The following CADPS2 variants were observed in gnomAD, a reference collection of about 807,000 sequenced individuals.
CADPS2 encodes the protein calcium dependent secretion activator 2.
In CADPS2, 93 loss-of-function variants were observed where a neutral mutation model predicts 172.5. The observed-to-expected ratio is 0.54, with a 90% confidence interval of 0.46 to 0.64. The LOEUF is 0.64. Ranked by LOEUF, CADPS2 falls within the 30% of genes least tolerant of loss-of-function variation. The probability of loss-of-function intolerance (pLI) is 0.00; values close to 1 mark genes in which losing one functional copy is unlikely to be tolerated. For missense variants in CADPS2, 1,420 were observed against 1,565.9 expected, an observed-to-expected ratio of 0.91 and a Z score of 1.57; for synonymous variants, 546 against 555.2, an observed-to-expected ratio of 0.98 and a Z score of 0.23.
At chr7:122,685,933 A>G (rs1488498408) in intron 2 of CADPS2, among the ~76,000 whole-genome samples, 3 of 152,156 alleles carry the variant, frequency 2.0e-5, no homozygotes, top group Non-Finnish European at 4.4e-5. Flanking sequence ...CCAATGCCTT[A>G]CCCTGAACTT....
intron 1 of CADPS2, among the ~76,000 whole-genome samples, chr7:122,793,156 G>A (rs1795641693): frequency 6.6e-6 from 1 of 151,828 alleles, no homozygotes; most frequent in Non-Finnish European, 1.5e-5. Context: ...AAACTCCTTG[G>A]TGCATCCCTC....
intron 3 of CADPS2, among the ~76,000 whole-genome samples, chr7:122,661,848 A>G (rs2080575590): frequency 6.6e-6 from 1 of 152,230 alleles, no homozygotes; most frequent in Non-Finnish European, 1.5e-5. Context: ...ATGTTAATCA[A>G]CATTTATTTG....
chr7:122,662,816 TTTAA>T (rs1199719530), intron 3 of CADPS2, among the ~76,000 whole-genome samples: 1 of 152,204 alleles, frequency 6.6e-6, no homozygotes, highest in Non-Finnish European at 1.5e-5. Flanking sequence ...AAATTTGAAA[TTTAA>T]TTACTTCCAT....
intron 2 of CADPS2, chr7:122,699,256 T>C (rs2085648095): frequency 5.0e-6 from 1 of 198,690 alleles, no homozygotes; most frequent in Non-Finnish European, 1.0e-5. Flanking sequence ...CTGTTATGGG[T>C]GATTTCTATG....
chr7:122,352,585 G>A (rs907500677), intron 27 of CADPS2, among the ~76,000 whole-genome samples: 5 of 152,200 alleles, frequency 3.3e-5, no homozygotes, highest in East Asian at 3.8e-4. Context: ...ACTCCTAGAC[G>A]AGTGAGGCTC....
chr7:122,538,979 A>T (rs185211900), intron 8 of CADPS2, among the ~76,000 whole-genome samples: 8 of 152,230 alleles, frequency 5.3e-5, no homozygotes, highest in Admixed American at 4.6e-4. Context: ...GGTCTTAAAT[A>T]CTGGATGTTT....
intron 2 of CADPS2, among the ~76,000 whole-genome samples, chr7:122,705,658 C>A (rs1470209125): frequency 5.5e-4 from 44 of 80,212 alleles, no homozygotes; most frequent in African/African-American, 7.3e-4. Context: ...TATAATATAT[C>A]TCATATATAA....
chr7:122,447,107 A>G (rs2052353600), intron 15 of CADPS2, among the ~76,000 whole-genome samples: 1 of 138,186 alleles, frequency 7.2e-6, no homozygotes, highest in Non-Finnish European at 1.5e-5. Flanking sequence ...CCTTACTTCT[A>G]ATATAGTAAC....
chr7:122,777,688 T>G (rs2093927676), intron 1 of CADPS2, among the ~76,000 whole-genome samples: 1 of 152,012 alleles, frequency 6.6e-6, no homozygotes, highest in Non-Finnish European at 1.5e-5. Flanking sequence ...ATAATAGGCT[T>G]TCCCCCACTT....
At chr7:122,696,625 G>A (rs1015903400) in intron 2 of CADPS2, among the ~76,000 whole-genome samples, 4 of 152,114 alleles carry the variant, frequency 2.6e-5, no homozygotes, top group East Asian at 3.9e-4. Flanking sequence ...CCAAGGCTGC[G>A]CAGCAATTCA....
At chr7:122,519,808 T>C (rs1262249469) in intron 8 of CADPS2, among the ~76,000 whole-genome samples, 1 of 152,028 alleles carries the variant, frequency 6.6e-6, no homozygotes. Context: ...TATTTTATGC[T>C]GTTTGGGAAA....
intron 15 of CADPS2, among the ~76,000 whole-genome samples, chr7:122,444,668 C>T (rs1366381737): frequency 6.6e-6 from 1 of 152,038 alleles, no homozygotes. Context: ...TATAATTAAA[C>T]TTTAAAAGTT....
intron 28 of CADPS2, among the ~76,000 whole-genome samples, chr7:122,343,389 C>T (rs1470711027): frequency 1.3e-5 from 2 of 152,054 alleles, no homozygotes; most frequent in African/African-American, 2.4e-5. Context: ...TATATATAAC[C>T]AAGGCAATTA....
At chr7:122,726,801 T>C (rs1361397142) in intron 2 of CADPS2, among the ~76,000 whole-genome samples, 1 of 146,624 alleles carries the variant, frequency 6.8e-6, no homozygotes, top group Non-Finnish European at 1.5e-5. Context: ...TATCCACATA[T>C]AAGATAGAGT....
chr7:122,554,063 T>C (rs1172797956), intron 8 of CADPS2, among the ~76,000 whole-genome samples: 1 of 152,136 alleles, frequency 6.6e-6, no homozygotes, highest in Non-Finnish European at 1.5e-5. Context: ...TTTTCTCCAA[T>C]ATTGATTCAA....
intron 5 of CADPS2, among the ~76,000 whole-genome samples, chr7:122,618,516 G>A (rs948429514): frequency 6.6e-6 from 1 of 152,064 alleles, no homozygotes; most frequent in African/African-American, 2.4e-5. Flanking sequence ...AGAAGGGAGG[G>A]GTGGGAGCAA....
chr7:122,849,415 ATT>A (rs1469868267), intron 1 of CADPS2, among the ~76,000 whole-genome samples: 1 of 152,170 alleles, frequency 6.6e-6, no homozygotes, highest in African/African-American at 2.4e-5. Context: ...AAGCTTGGTT[ATT>A]TGTACTCAGG....
At chr7:122,425,011 GCT>G (rs1300159656) in intron 17 of CADPS2, among the ~76,000 whole-genome samples, 9 of 151,952 alleles carry the variant, frequency 5.9e-5, no homozygotes, top group Admixed American at 5.9e-4. Context: ...ACAGGGTCTT[GCT>G]CTGTCACCCA....
At chr7:122,549,316 G>A (rs977276495) in intron 8 of CADPS2, among the ~76,000 whole-genome samples, 6 of 152,038 alleles carry the variant, frequency 3.9e-5, no homozygotes, top group Admixed American at 3.3e-4. Context: ...CATTTATTTT[G>A]TAGTTACCAC....
Sources: allele counts gnomAD v4.1 joint callset (sites outside exome capture counted in the v4.1 genomes callset), GRCh38; gene constraint gnomAD v4.1.1; transcripts MANE v1.5; gene names NCBI Gene and HGNC (gene_info 2026-07-23, HGNC 2026-07-21).